Variants in GPR158 observed in about 807,000 individuals in gnomAD.
GPR158 encodes the protein G protein-coupled receptor 158, also known as metabotropic glycine receptor.
GPR158 carries 30 observed loss-of-function variants against 78.2 expected under a neutral mutation model. The observed-to-expected ratio is 0.38, with a 90% CI of 0.29 to 0.52. The LOEUF is 0.52. Ranked by LOEUF, GPR158 falls within the 20% of genes least tolerant of loss-of-function variation. GPR158 has a pLI of 0.83. For missense variants in GPR158, 1,463 were observed against 1,523.5 expected (o/e 0.96, Z 0.66); for synonymous variants, 581 against 591.1 (o/e 0.98, Z 0.25).
intron 1 of GPR158, among the ~76,000 whole-genome samples, chr10:25,188,954 C>G (rs1289718921): frequency 1.3e-5 from 2 of 152,044 alleles, no homozygotes; most frequent in Non-Finnish European, 2.9e-5. Flanking sequence ...ACAAACAACC[C>G]CACCAAAAAG....
intron 7 of GPR158, among the ~76,000 whole-genome samples, chr10:25,573,931 T>C (rs557582108): frequency 1.3e-5 from 2 of 152,050 alleles, no homozygotes; most frequent in Non-Finnish European, 2.9e-5. Flanking sequence ...TATTATATTT[T>C]GGGTAATATA....
chr10:25,190,494 G>A (rs537660717), intron 1 of GPR158, among the ~76,000 whole-genome samples: 9 of 151,866 alleles, frequency 5.9e-5, no homozygotes, highest in African/African-American at 1.2e-4. Context: ...CACCATGCCC[G>A]GCTAATTTTT....
chr10:25,294,624 G>GA (rs34331789), intron 2 of GPR158, among the ~76,000 whole-genome samples: 78,541 of 150,278 alleles, frequency 0.52, 21,578 homozygotes, highest in Non-Finnish European at 0.64. Flanking sequence ...GAGGAATGTG[G>GA]AAAAAAAAAA....
chr10:25,193,593 T>G (rs1564387819), intron 1 of GPR158, among the ~76,000 whole-genome samples: 1 of 152,142 alleles, frequency 6.6e-6, no homozygotes, highest in East Asian at 1.9e-4. Flanking sequence ...TGTGGTAACA[T>G]AGAAACATGT....
chr10:25,517,101 GGATTCC>G (rs1836187584), intron 5 of GPR158, among the ~76,000 whole-genome samples: 1 of 148,990 alleles, frequency 6.7e-6, no homozygotes, highest in Admixed American at 6.6e-5. Context: ...CTTGTAAGTT[GGATTCC>G]TAGGTATTTT....
At chr10:25,290,382 A>G (rs1304067156) in intron 2 of GPR158, among the ~76,000 whole-genome samples, 4 of 152,190 alleles carry the variant, frequency 2.6e-5, no homozygotes, top group Non-Finnish European at 5.9e-5. Context: ...TATCCCGAAA[A>G]TCTGTTAATG....
chr10:25,275,900 G>A lies in GPR158; in HGVS notation c.1008+54743G>A, dbSNP rs147485223. Among the ~76,000 whole-genome samples the A allele has an allele frequency of 1.8e-4, 27 of 152,226 alleles. 1 individual carries two copies. In the East Asian group the frequency reaches 4.6e-3, roughly 26 times the overall value. ...GTATCTTGACTCCCAGAGCACTGAT[G>A]TCTTCTGGCATGTTATTAAAAAAAT... On this transcript the variant is annotated intron_variant, in intron 2 of 10. Coordinates refer to ENST00000376351, the MANE Select transcript of GPR158 (RefSeq NM_020752.3).
chr10:25,380,209 C>A (rs1174703660), intron 2 of GPR158, among the ~76,000 whole-genome samples: 1 of 152,116 alleles, frequency 6.6e-6, no homozygotes, highest in Non-Finnish European at 1.5e-5. Flanking sequence ...TGTCACAAGT[C>A]TCTTAGAAAT....
intron 2 of GPR158, among the ~76,000 whole-genome samples, chr10:25,370,914 A>C (rs1158220401): frequency 6.6e-6 from 1 of 151,450 alleles, no homozygotes; most frequent in Non-Finnish European, 1.5e-5. Context: ...TCCCTTTACC[A>C]TTAAGTAATG....
At chr10:25,552,087 AGTG>A (rs949407474) in intron 6 of GPR158, among the ~76,000 whole-genome samples, 2 of 152,148 alleles carry the variant, frequency 1.3e-5, no homozygotes, top group Non-Finnish European at 2.9e-5. Flanking sequence ...GGGAAAAAAA[AGTG>A]AATGTGTTTG....
At chr10:25,436,674 G>T (rs1835002360) in intron 4 of GPR158, among the ~76,000 whole-genome samples, 1 of 152,138 alleles carries the variant, frequency 6.6e-6, no homozygotes, top group Admixed American at 6.5e-5. Flanking sequence ...AGAAGGATGC[G>T]GTGGATTTGG....
intron 2 of GPR158, among the ~76,000 whole-genome samples, chr10:25,357,526 C>G (rs746533665): frequency 6.6e-6 from 1 of 152,078 alleles, no homozygotes; most frequent in Non-Finnish European, 1.5e-5. Flanking sequence ...CCCAGCTGCT[C>G]CAGTCATGAC....
At chr10:25,427,664 A>C (rs759037555) in intron 4 of GPR158, among the ~76,000 whole-genome samples, 8 of 152,102 alleles carry the variant, frequency 5.3e-5, no homozygotes, top group African/African-American at 1.9e-4. Flanking sequence ...TACCACCTAG[A>C]AGTACTTGCA....
chr10:25,599,234 G>A lies in GPR158; in HGVS notation c.3608G>A (p.Gly1203Glu). The A allele has an allele frequency of 1.9e-6, 3 of 1,612,520 alleles. No individual in the cohort carries two copies. The highest frequency in any genetic ancestry group is 2.5e-6 in the Non-Finnish European group (3 of 1,179,756). Residue 1203 changes from glycine (G) to glutamate (E), a missense_variant, in exon 11 of 11, where the codon GGG (glycine) becomes GAG (glutamate). Coordinates refer to ENST00000376351, the MANE Select transcript of GPR158 (RefSeq NM_020752.3). The part of the protein sequence containing the change: ...SSALSANKIA[G>E]PRKEEIWDSF... Reference sequence around the variant, plus strand: ...GCTCTAAGTGCAAATAAGATAGCAGGGCCTAGGAAAGAAGAGATCTGGGAT... The same window carrying A: ...GCTCTAAGTGCAAATAAGATAGCAGAGCCTAGGAAAGAAGAGATCTGGGAT...
chr10:25,322,367 C>A (rs560709740), intron 2 of GPR158, among the ~76,000 whole-genome samples: 1 of 148,530 alleles, frequency 6.7e-6, no homozygotes, highest in Admixed American at 6.7e-5. Flanking sequence ...GGTGACAGAG[C>A]GAGACTCCGT....
In GPR158 at chr10:25,176,380, G is replaced by T. The variant is rs74123696; in HGVS notation, c.902+58G>T. ...AAAGCGAAGCTTTCCTTCCGGTCTT[G>T]TGGGTGGGTGCACGTGTGAGGAAGG... is the stretch of plus-strand genomic sequence containing the variant. On this transcript the variant is annotated intron_variant, in intron 1 of 10. Coordinates refer to ENST00000376351, the MANE Select transcript of GPR158 (RefSeq NM_020752.3). This position sits in a 1 kb window ranked among gnomAD's most constrained non-coding sequence, Gnocchi z 6.3. 6.1e-6 allele frequency: 8 copies of T among 1,318,558 alleles called. No homozygotes were observed. The highest frequency in any genetic ancestry group is 8.3e-6 in the Non-Finnish European group (8 of 964,748). The allele number at this position is 1,318,558 out of a possible 1,614,324, so 81.7% of individuals were successfully genotyped here. A position where few individuals can be genotyped will look rare whatever the true frequency, so the allele number is the denominator to read the frequency against.
intron 2 of GPR158, among the ~76,000 whole-genome samples, chr10:25,305,911 G>A (rs1367797957): frequency 6.6e-6 from 1 of 152,138 alleles, no homozygotes; most frequent in African/African-American, 2.4e-5. Context: ...TTGTGGCTCA[G>A]TCTCCAAAAA....
chr10:25,577,928 G>T (rs907551144), intron 7 of GPR158, among the ~76,000 whole-genome samples: 1 of 152,202 alleles, frequency 6.6e-6, no homozygotes, highest in African/African-American at 2.4e-5. Flanking sequence ...GACAATGTGA[G>T]AAGTGCTTTT....
chr10:25,296,015 T>G (rs1854507543), intron 2 of GPR158, among the ~76,000 whole-genome samples: 1 of 124,820 alleles, frequency 8.0e-6, no homozygotes, highest in South Asian at 2.5e-4. Flanking sequence ...GTGCTTTTAG[T>G]AAAAGGGAAA....
Sources: gnomAD v4.1 joint callset for allele counts (sites outside exome capture counted in the v4.1 genomes callset) on GRCh38, gnomAD v4.1.1 for gene constraint, Gnocchi (gnomAD v3.1) non-coding constraint, MANE v1.5 for transcripts, NCBI Gene and HGNC (gene_info 2026-07-23, HGNC 2026-07-21) for gene names.